The following MIS18A variants were observed in gnomAD, a reference collection of about 807,000 sequenced individuals.
MIS18A encodes protein Mis18-alpha.
In MIS18A, 14 loss-of-function variants were observed where a neutral mutation model predicts 25.0. That is an observed-to-expected ratio of 0.56 (90% CI 0.37 to 0.88). MIS18A has a LOEUF of 0.88. MIS18A is among the 40% of genes least tolerant of loss of function. The pLI is 0.00. For missense variants in MIS18A, 292 were observed against 290.8 expected (o/e 1.00, Z -0.03); for synonymous variants, 134 against 118.6 (o/e 1.13, Z -0.84).
At chr21:32,253,691 G>A in the MIS18A span, among the ~76,000 whole-genome samples, 7 of 151,982 alleles carry the variant, frequency 4.6e-5, no homozygotes, top group African/African-American at 1.7e-4. Context: ...CCTTTGCAAA[G>A]CCTTTGCTCC....
At chr21:32,223,977 A>G in the MIS18A span, among the ~76,000 whole-genome samples, 1 of 152,026 alleles carries the variant, frequency 6.6e-6, no homozygotes, top group African/African-American at 2.4e-5. Flanking sequence ...TTCAACATAC[A>G]CAAATCAATA....
In MIS18A at chr21:32,268,377, A is replaced by G. The variant is rs539767129; in HGVS notation, c.*660T>C. ...GGTAAGTATTCCTCCAGGTTTTTTA[A>G]GCATATAGTAGTACATAAGCAGGAA... On this transcript the variant is annotated 3_prime_UTR_variant, in exon 5 of 5. Transcript: ENST00000290130. 6.6e-6 allele frequency: 1 copy of G among 152,340 alleles called. No homozygotes were observed. Among genetic ancestry groups the G allele is most frequent in the South Asian group, 2.1e-4 (1 of 4,832 alleles). The allele number at this position is 152,340 out of a possible 1,614,324, so 9.4% of individuals were successfully genotyped here.
At chr21:32,223,543 T>C in the MIS18A span, among the ~76,000 whole-genome samples, 1 of 152,114 alleles carries the variant, frequency 6.6e-6, no homozygotes, top group South Asian at 2.1e-4. Context: ...AATGGATAAA[T>C]TCCTGGGCAC....
chr21:32,155,667 G>A, the MIS18A span, among the ~76,000 whole-genome samples: 1 of 152,160 alleles, frequency 6.6e-6, no homozygotes, highest in Non-Finnish European at 1.5e-5. Context: ...GATTTCATCT[G>A]TATGTAAAAA....
At chr21:32,170,856 T>C in the MIS18A span, among the ~76,000 whole-genome samples, 8 of 152,094 alleles carry the variant, frequency 5.3e-5, no homozygotes, top group East Asian at 1.5e-3. Context: ...TAATATACAA[T>C]ATTCATAGAA....
At chr21:32,214,884 T>A in the MIS18A span, among the ~76,000 whole-genome samples, 1 of 152,336 alleles carries the variant, frequency 6.6e-6, no homozygotes, top group East Asian at 1.9e-4. Flanking sequence ...TTTAACTGGG[T>A]CAGGGTGGGA....
At chr21:32,258,875 T>TTTACTTAC in the MIS18A span, among the ~76,000 whole-genome samples, 1 of 101,162 alleles carries the variant, frequency 9.9e-6, no homozygotes, top group East Asian at 3.0e-4. Flanking sequence ...TATTTATTTA[T>TTTACTTAC]TTACTTACTT....
intron 1 of MIS18A, 86 bp downstream of exon 1, chr21:32,278,595 C>A: frequency 7.4e-7 from 1 of 1,356,180 alleles, no homozygotes; most frequent in Non-Finnish European, 9.7e-7. Flanking sequence ...CCCAAGGAGC[C>A]CCCGCCTCCT....
the MIS18A span, among the ~76,000 whole-genome samples, chr21:32,203,920 A>C: frequency 6.6e-5 from 10 of 151,928 alleles, no homozygotes; most frequent in Non-Finnish European, 1.0e-4. Context: ...TGCCCAGCCC[A>C]GCAAATTTTT....
the MIS18A span, among the ~76,000 whole-genome samples, chr21:32,231,972 G>C: frequency 6.6e-6 from 1 of 152,128 alleles, no homozygotes; most frequent in African/African-American, 2.4e-5. Context: ...CCTCTCTGCT[G>C]GGTATATTCC....
At chr21:32,214,616 A>G in the MIS18A span, among the ~76,000 whole-genome samples, 1 of 152,216 alleles carries the variant, frequency 6.6e-6, no homozygotes, top group Non-Finnish European at 1.5e-5. Context: ...AACTTTTAAA[A>G]ATCTTGAAAA....
the MIS18A span, among the ~76,000 whole-genome samples, chr21:32,186,515 G>C: frequency 6.6e-6 from 1 of 152,224 alleles, no homozygotes; most frequent in Non-Finnish European, 1.5e-5. Context: ...TCTGACATCA[G>C]GGTCACCTTT....
chr21:32,274,679 C>CA lies in MIS18A; in HGVS notation c.401+150dup, dbSNP rs1187461876. 1.0e-4 allele frequency: 62 copies of CA among 619,882 alleles called. 1 individual carries two copies. The highest frequency in any genetic ancestry group is 9.1e-4 in the Middle Eastern group (2 of 2,204). 38.4% of individuals were successfully genotyped at this position (619,882 alleles called of 1,614,324 possible). ...TTTCTAAAACAGGATATAGAAAAAG[C>CA]AAAAAAAAGAACTGATATATGCGAA... On this transcript the variant is annotated intron_variant, in intron 2 of 4. Coordinates refer to ENST00000290130, the MANE Select transcript of MIS18A (RefSeq NM_018944.3).
the MIS18A span, among the ~76,000 whole-genome samples, chr21:32,167,917 C>G: frequency 6.6e-6 from 1 of 152,196 alleles, no homozygotes; most frequent in East Asian, 1.9e-4. Context: ...ATACAGAAGA[C>G]AATAGGACGT....
At chr21:32,181,215 C>T in the MIS18A span, among the ~76,000 whole-genome samples, 1 of 152,134 alleles carries the variant, frequency 6.6e-6, no homozygotes, top group African/African-American at 2.4e-5. Context: ...CTCAGCACTC[C>T]TGGTTTTCAG....
At chr21:32,262,949 C>T in the MIS18A span, among the ~76,000 whole-genome samples, 1 of 152,270 alleles carries the variant, frequency 6.6e-6, no homozygotes, top group East Asian at 1.9e-4. Context: ...CCCAAAGAAA[C>T]TACAACTCTA....
At chr21:32,250,185 T>TA in the MIS18A span, among the ~76,000 whole-genome samples, 1 of 152,132 alleles carries the variant, frequency 6.6e-6, no homozygotes, top group Non-Finnish European at 1.5e-5. Flanking sequence ...CCCTTTTTTT[T>TA]TCCAAATTGG....
chr21:32,183,886 G>A, the MIS18A span, among the ~76,000 whole-genome samples: 2 of 152,196 alleles, frequency 1.3e-5, no homozygotes, highest in African/African-American at 4.8e-5. Context: ...GTTCCTCGCA[G>A]ACAATATCAA....
chr21:32,174,046 C>G, the MIS18A span, among the ~76,000 whole-genome samples: 1 of 141,088 alleles, frequency 7.1e-6, no homozygotes, highest in African/African-American at 2.7e-5. Context: ...CTCACTGCAA[C>G]TTCCACCTCC....
Sources: gnomAD v4.1 joint callset for allele counts (sites outside exome capture counted in the v4.1 genomes callset) on GRCh38, gnomAD v4.1.1 for gene constraint, MANE v1.5 for transcripts, NCBI Gene and HGNC (gene_info 2026-07-23, HGNC 2026-07-21) for gene names.